TFR2: variants seen among roughly 807,000 people sequenced by gnomAD.
TFR2 encodes transferrin receptor 2.
A neutral mutation model predicts 91.9 loss-of-function variants in TFR2; 64 were observed. The observed-to-expected ratio is 0.70, with a 90% CI of 0.57 to 0.86. TFR2 has a LOEUF of 0.86. TFR2 is among the 40% of genes least tolerant of loss of function. The pLI is 0.00. For synonymous variants in TFR2, 454 were observed against 459.6 expected (o/e 0.99, Z 0.15); for missense variants, 950 against 1,080.5 (o/e 0.88, Z 1.69).
intron 3 of TFR2, among the ~76,000 whole-genome samples, chr7:100,634,097 T>C (rs1232077236): frequency 6.6e-6 from 1 of 151,538 alleles, no homozygotes; most frequent in Non-Finnish European, 1.5e-5. Flanking sequence ...TTCCCATAGC[T>C]GGGGGTCCTG....
In TFR2 at chr7:100,630,783, C is replaced by G. The variant is rs755568835; in HGVS notation, c.1270+106G>C. The G allele has an allele frequency of 4.0e-5, 60 of 1,517,138 alleles. 1 individual carries two copies. The highest frequency in any genetic ancestry group is 5.4e-5 in the Non-Finnish European group (60 of 1,108,308). The allele number at this position is 1,517,138 out of a possible 1,614,324, so 94.0% of individuals were successfully genotyped here. On this transcript the variant is annotated intron_variant, in intron 9 of 17. Transcript: ENST00000223051. ...TCCCTCCTCTGGGCACCACTCCTGT[C>G]CCCTCTTGGGGCCTCCTGCACCAGC...
At chr7:100,626,533 G>C in intron 17 of TFR2, 1 of 1,386,120 alleles carries the variant, frequency 7.2e-7, no homozygotes, top group Admixed American at 3.1e-5. Flanking sequence ...AGGCGACTGT[G>C]GCCAAGAGGC....
rs1284625571 is a variant in TFR2 at position 100,629,300 on chromosome 7, G to A, written c.1343C>T (p.Ala448Val). The change falls in exon 10 of 18, where the codon GCT (alanine) becomes GTT (valine). Residue 448 changes from alanine (A) to valine (V), a missense_variant. Physicochemically the swap from Ala to Val is moderately conservative, Grantham distance 64 (BLOSUM62 0). Coordinates refer to ENST00000223051, the MANE Select transcript of TFR2 (RefSeq NM_003227.4). ...GGTCCGCACCAGCTCCAGGAGTATA[G>A]CCGTCCCCACAGCGGATTTAGCTGC... is the stretch of plus-strand genomic sequence containing the variant. ...PGAAKSAVGT[A>V]ILLELVRTFS... 9.9e-6 allele frequency: 16 copies of A among 1,613,998 alleles called. No individual in the cohort carries two copies. Among genetic ancestry groups the A allele is most frequent in the Non-Finnish European group, 1.3e-5 (15 of 1,179,978 alleles).
At chr7:100,640,565 AT>A in intron 3 of TFR2, 120 bp downstream of exon 3, 2 of 1,145,280 alleles carry the variant, frequency 1.7e-6, no homozygotes, top group Non-Finnish European at 2.5e-6. Flanking sequence ...AGGAAGGCAG[AT>A]GGGAGGACTC....
In TFR2 at chr7:100,629,552, A is replaced by C. The variant is rs773399865; in HGVS notation, c.1271-180T>G. Among the ~76,000 whole-genome samples, 11 of 152,024 alleles carry C rather than the reference A, an allele frequency of 7.2e-5. 1 individual carries two copies. In the South Asian group the frequency reaches 1.7e-3, roughly 23 times the overall value. On this transcript the variant is annotated intron_variant, in intron 9 of 17. Coordinates refer to ENST00000223051, the MANE Select transcript of TFR2 (RefSeq NM_003227.4). ...CCCTTCCTGGATGGTGTGCTCCTTC[A>C]GCTGGGTGCCTGAGGTCATTCTGGA...
Position 100,620,771 on chromosome 7 carries a change from G to C in TFR2, c.*86C>G, listed in dbSNP as rs1803078752. Reference sequence around the variant, plus strand: ...TGATCAGCAATGAGAGGTGGACTCTGAGCCACCTCCCTGACCCTGAATCAT... The same window carrying C: ...TGATCAGCAATGAGAGGTGGACTCTCAGCCACCTCCCTGACCCTGAATCAT... On this transcript the variant is annotated 3_prime_UTR_variant, in exon 18 of 18. Coordinates refer to ENST00000223051, the MANE Select transcript of TFR2 (RefSeq NM_003227.4). 1 of 1,574,622 alleles carries C rather than the reference G, an allele frequency of 6.4e-7. No individual in the cohort carries two copies. The highest frequency in any genetic ancestry group is 8.7e-7 in the Non-Finnish European group (1 of 1,148,806).
Position 100,627,184 on chromosome 7 carries a change from C to G in TFR2, c.1995+80G>C, listed in dbSNP as rs910940080. ...GAGAGGACCTAGACCCCAGGGAATG[C>G]AGAGAGAAGGGGCTGGACCCCCTGG... On this transcript the variant is annotated intron_variant, in intron 16 of 17. Coordinates refer to ENST00000223051, the MANE Select transcript of TFR2 (RefSeq NM_003227.4). 9.6e-6 allele frequency: 14 copies of G among 1,453,050 alleles called. No homozygotes were observed. In the African/African-American group the frequency reaches 1.8e-4, roughly 19 times the overall value. 90.0% of individuals were successfully genotyped at this position (1,453,050 alleles called of 1,614,324 possible). A position where few individuals can be genotyped will look rare whatever the true frequency, so the allele number is the denominator to read the frequency against.
chr7:100,638,643 C>G (rs62482242), intron 3 of TFR2, among the ~76,000 whole-genome samples: 24,665 of 151,340 alleles, frequency 0.16, 2,349 homozygotes, highest in Non-Finnish European at 0.21. Flanking sequence ...CCCAGCTACT[C>G]GGGAGGCTAA....
intron 12 of TFR2, 37 bp from the exon 13 acceptor site, chr7:100,628,011 G>C: frequency 6.2e-7 from 1 of 1,614,092 alleles, no homozygotes. Flanking sequence ...CAGGCTCAGG[G>C]CTCAGCCCCA....
chr7:100,633,773 A>G (rs1195952209), intron 3 of TFR2: 4 of 695,948 alleles, frequency 5.7e-6, no homozygotes, highest in African/African-American at 4.4e-5. Context: ...CAGTGGACCA[A>G]TCTCGGCTCT....
At position 100,630,929 on chromosome 7, in the gene TFR2, G is replaced by A; in HGVS notation, c.1230C>T (p.Ile410=). The A allele has an allele frequency of 1.2e-6, 2 of 1,613,246 alleles. No individual in the cohort carries two copies. Among genetic ancestry groups the A allele is most frequent in the East Asian group, 4.5e-5 (2 of 44,886 alleles). Residue 410 remains isoleucine, a synonymous_variant, in exon 9 of 18, where the codon ATC becomes ATT. Transcript: ENST00000223051. ...VVNNHRTSTP[I]NNIFGCIEGR... ...CTTCGATGCAGCCGAAGATGTTGTT[G>A]ATGGGGGTGGAGGTCCTGTGATTGT...
chr7:100,629,410 C>A, intron 9 of TFR2, 38 bp from the exon 10 acceptor site: 1 of 1,611,740 alleles, frequency 6.2e-7, no homozygotes, highest in Admixed American at 1.7e-5. Flanking sequence ...TCTGACACTG[C>A]ACCCTGCACC....
intron 3 of TFR2, among the ~76,000 whole-genome samples, chr7:100,637,966 G>T (rs1225683327): frequency 1.3e-5 from 2 of 151,844 alleles, no homozygotes; most frequent in Non-Finnish European, 2.9e-5. Context: ...CGAGTAGCTG[G>T]GATTACAGGC....
chr7:100,640,608 C>G, intron 3 of TFR2, 78 bp downstream of exon 3: 1 of 1,527,088 alleles, frequency 6.5e-7, no homozygotes, highest in Non-Finnish European at 8.9e-7. Flanking sequence ...GAGGCCTGGG[C>G]CAGGAGGCAG....
rs1803271919 is a variant in TFR2, at chr7:100,626,862, C to T, written c.2037G>A (p.Gly679=). 1.9e-6 allele frequency: 3 copies of T among 1,548,194 alleles called. No individual in the cohort carries two copies. Among genetic ancestry groups the T allele is most frequent in the Non-Finnish European group, 2.6e-6 (3 of 1,147,126 alleles). Reference sequence around the variant, plus strand: ...GCTTTTCCGCCGCCCGGATGTAGTCCCCCCGCGCCGAGTACACCCACTGCA... The same window carrying T: ...GCTTTTCCGCCGCCCGGATGTAGTCTCCCCGCGCCGAGTACACCCACTGCA... ...LTLQWVYSAR[G]DYIRAAEKLR... Residue 679 remains glycine, a synonymous_variant, in exon 17 of 18, where the codon GGG becomes GGA. Transcript: ENST00000223051.
chr7:100,641,178 G>A lies in TFR2; in HGVS notation c.84C>T (p.Gly28=). ...CCTCCTCCAGGTGCCCTTTCCGGGGGCCTTCCACACGCTGGTAGACGGTCT... is the reference window on the plus strand; with the variant it reads ...CCTCCTCCAGGTGCCCTTTCCGGGGACCTTCCACACGCTGGTAGACGGTCT... ...SSQTVYQRVE[G]PRKGHLEEEE... The change falls in exon 2 of 18, where the codon GGC becomes GGT. Residue 28 remains glycine (G), a synonymous_variant. Coordinates refer to ENST00000223051, the MANE Select transcript of TFR2 (RefSeq NM_003227.4). 6.6e-7 allele frequency: 1 copy of A among 1,525,602 alleles called. No individual in the cohort carries two copies. The highest frequency in any genetic ancestry group is 1.4e-5 in the African/African-American group (1 of 72,516). The allele number at this position is 1,525,602 out of a possible 1,614,324, so 94.5% of individuals were successfully genotyped here. A position where few individuals can be genotyped will look rare whatever the true frequency, so the allele number is the denominator to read the frequency against.
chr7:100,629,730 T>TTTAC (rs35190962), intron 9 of TFR2, among the ~76,000 whole-genome samples: 7 of 152,118 alleles, frequency 4.6e-5, no homozygotes, highest in Non-Finnish European at 7.4e-5. Flanking sequence ...GCTAATTTCT[T>TTTAC]TTACTTACTT....
intron 6 of TFR2, chr7:100,632,692 T>G: frequency 2.8e-6 from 1 of 352,222 alleles, no homozygotes; most frequent in Non-Finnish European, 5.2e-6. Context: ...TGGGACCACA[T>G]GCATGTGCCA....
chr7:100,630,675 C>T (rs977911221), intron 9 of TFR2, among the ~76,000 whole-genome samples: 1 of 152,248 alleles, frequency 6.6e-6, no homozygotes, highest in Non-Finnish European at 1.5e-5. Flanking sequence ...CAACAACCCC[C>T]ATTCCATCAC....
Sources: gnomAD v4.1 joint callset for allele counts (sites outside exome capture counted in the v4.1 genomes callset) on GRCh38, gnomAD v4.1.1 for gene constraint, MANE v1.5 for transcripts, NCBI Gene and HGNC (gene_info 2026-07-23, HGNC 2026-07-21) for gene names.